TP63: variants seen among roughly 807,000 people sequenced by gnomAD.
TP63 encodes the protein tumor protein 63.
A neutral mutation model predicts 82.8 loss-of-function variants in TP63; 17 were observed. The observed-to-expected ratio is 0.21, with a 90% CI of 0.14 to 0.31. The LOEUF (loss-of-function observed/expected upper bound fraction) is 0.31, where lower values mean the gene tolerates loss of function less well. TP63 is among the 10% of genes least tolerant of loss of function. The probability of loss-of-function intolerance (pLI) is 1.00; values close to 1 mark genes in which losing one functional copy is unlikely to be tolerated. For missense variants in TP63, 648 were observed against 895.3 expected, an observed-to-expected ratio of 0.72 and a Z score of 3.52; for synonymous variants, 330 against 321.7, an observed-to-expected ratio of 1.03 and a Z score of -0.28.
At chr3:189,626,409 A>T (rs1035013867), upstream of TP63, among the ~76,000 whole-genome samples, 1 of 152,132 alleles carries the variant, frequency 6.6e-6, no homozygotes, top group Non-Finnish European at 1.5e-5. Flanking sequence ...CCTCACTATA[A>T]ATGCAGGATG....
intron 1 of TP63, among the ~76,000 whole-genome samples, chr3:189,652,914 T>A (rs920382930): frequency 6.8e-6 from 1 of 146,910 alleles, no homozygotes; most frequent in Admixed American, 6.7e-5. Context: ...GCCATGACTG[T>A]AAGTTTCCTG....
At chr3:189,781,277 G>T (rs560368429) in intron 3 of TP63, among the ~76,000 whole-genome samples, 81 of 152,300 alleles carry the variant, frequency 5.3e-4, no homozygotes, top group African/African-American at 1.8e-3. Flanking sequence ...TAGCAGAGAG[G>T]ATTAGTGAAA....
chr3:189,696,069 A>G (rs551092262), intron 1 of TP63, among the ~76,000 whole-genome samples: 1 of 152,150 alleles, frequency 6.6e-6, no homozygotes, highest in East Asian at 1.9e-4. Flanking sequence ...TTTAATTTGC[A>G]CACATTAAGG....
intron 9 of TP63, among the ~76,000 whole-genome samples, chr3:189,871,306 A>G (rs1053671160): frequency 2.6e-5 from 4 of 152,160 alleles, no homozygotes; most frequent in African/African-American, 9.7e-5. Flanking sequence ...TCAGTAGGAT[A>G]CAATTCTTAC....
chr3:189,707,541 G>A (rs1431187848), intron 1 of TP63, among the ~76,000 whole-genome samples: 1 of 152,056 alleles, frequency 6.6e-6, no homozygotes, highest in Non-Finnish European at 1.5e-5. Flanking sequence ...TGTTTGCTGT[G>A]TCAGAGGATA....
intron 10 of TP63, among the ~76,000 whole-genome samples, chr3:189,874,957 T>G (rs569994610): frequency 6.6e-6 from 1 of 151,684 alleles, no homozygotes; most frequent in Non-Finnish European, 1.5e-5. Context: ...GCTGAACTAG[T>G]TGCTCTTCAG....
the TP63 span, among the ~76,000 whole-genome samples, chr3:189,618,777 G>T: frequency 2.0e-5 from 3 of 152,020 alleles, no homozygotes; most frequent in Non-Finnish European, 4.4e-5. Flanking sequence ...TAGTCTTCTG[G>T]TGAATTTTCT....
chr3:189,704,184 T>A (rs1012125709), intron 1 of TP63, among the ~76,000 whole-genome samples: 5 of 152,212 alleles, frequency 3.3e-5, no homozygotes, highest in African/African-American at 4.8e-5. Context: ...TGATTGCCTG[T>A]AGGCAATAGT....
At chr3:189,630,296 GT>G (rs1029585432), upstream of TP63, among the ~76,000 whole-genome samples, 3 of 151,914 alleles carry the variant, frequency 2.0e-5, no homozygotes, top group South Asian at 2.1e-4. Context: ...ACACAGAGTG[GT>G]TTTTTTTCCC....
chr3:189,699,611 A>G (rs1350132988), intron 1 of TP63, among the ~76,000 whole-genome samples: 1 of 152,174 alleles, frequency 6.6e-6, no homozygotes, highest in Admixed American at 6.5e-5. Context: ...AGTAGGATCT[A>G]CCTGCCCTTC....
At chr3:189,719,634 C>T (rs576768549) in intron 1 of TP63, among the ~76,000 whole-genome samples, 4 of 152,154 alleles carry the variant, frequency 2.6e-5, no homozygotes, top group Non-Finnish European at 4.4e-5. Context: ...GCTCTGCCGT[C>T]GCAGGTTGAA....
chr3:189,724,141 GCT>G (rs201440518), intron 1 of TP63, among the ~76,000 whole-genome samples: 2,724 of 151,550 alleles, frequency 0.018, 30 homozygotes, highest in Middle Eastern at 0.041. Flanking sequence ...ACCCTTTCAG[GCT>G]GTATAAATTA....
chr3:189,650,454 C>T (rs1374807454), intron 1 of TP63, among the ~76,000 whole-genome samples: 2 of 146,488 alleles, frequency 1.4e-5, no homozygotes, highest in African/African-American at 5.1e-5. Context: ...ATGAGATGAA[C>T]CAGGTGGAGA....
chr3:189,699,076 C>T (rs945777860), intron 1 of TP63, among the ~76,000 whole-genome samples: 6 of 152,128 alleles, frequency 3.9e-5, no homozygotes, highest in Non-Finnish European at 1.5e-5. Flanking sequence ...ACAAAGCTTA[C>T]AATCAAGTAG....
chr3:189,794,288 A>G (rs1409434245), intron 3 of TP63, among the ~76,000 whole-genome samples: 1 of 152,100 alleles, frequency 6.6e-6, no homozygotes, highest in African/African-American at 2.4e-5. Context: ...TACACTAAGA[A>G]GTTTATAGTT....
At chr3:189,781,381 C>T (rs770527228) in intron 3 of TP63, among the ~76,000 whole-genome samples, 5 of 152,084 alleles carry the variant, frequency 3.3e-5, no homozygotes, top group African/African-American at 4.8e-5. Flanking sequence ...GGATTATCCA[C>T]GGATTCCTGA....
chr3:189,759,569 A>G (rs1205133916), intron 3 of TP63, among the ~76,000 whole-genome samples: 1 of 152,202 alleles, frequency 6.6e-6, no homozygotes, highest in African/African-American at 2.4e-5. Flanking sequence ...CATATGAGGT[A>G]TACATTAGTA....
At chr3:189,756,954 A>G (rs1722231762) in intron 3 of TP63, among the ~76,000 whole-genome samples, 1 of 152,226 alleles carries the variant, frequency 6.6e-6, no homozygotes, top group Admixed American at 6.5e-5. Flanking sequence ...AAAACTGATC[A>G]GGTGGAAATC....
intron 4 of TP63, among the ~76,000 whole-genome samples, chr3:189,814,279 A>G (rs1727916761): frequency 6.6e-6 from 1 of 152,194 alleles, no homozygotes. Context: ...GACAAGATGT[A>G]CAGACAAACT....
Sources: gnomAD v4.1 joint callset for allele counts (sites outside exome capture counted in the v4.1 genomes callset) on GRCh38, gnomAD v4.1.1 for gene constraint, MANE v1.5 for transcripts, NCBI Gene and HGNC (gene_info 2026-07-23, HGNC 2026-07-21) for gene names.